Variants in CNTN2 observed in about 807,000 individuals in gnomAD.
CNTN2 encodes the protein contactin 2.
A neutral mutation model predicts 117.5 loss-of-function variants in CNTN2; 53 were observed. That is an observed-to-expected ratio of 0.45 (90% CI 0.36 to 0.57). The LOEUF (loss-of-function observed/expected upper bound fraction) is 0.57. Among genes scored for constraint, CNTN2 ranks in the 20% least tolerant of loss-of-function variants. The probability of loss-of-function intolerance (pLI) is 0.00; values close to 1 mark genes in which losing one functional copy is unlikely to be tolerated. For synonymous variants in CNTN2, 530 were observed against 561.7 expected, an observed-to-expected ratio of 0.94 and a Z score of 0.80; for missense variants, 1,106 against 1,404.3, an observed-to-expected ratio of 0.79 and a Z score of 3.39.
chr1:205,071,824 C>G, intron 19 of CNTN2, 123 bp from the exon 20 acceptor site: 1 of 893,616 alleles, frequency 1.1e-6, no homozygotes, highest in African/African-American at 1.7e-5. Flanking sequence ...TCTCCAGGTT[C>G]TGAGGCCTAA....
rs747193979 is a variant in CNTN2, at chr1:205,073,111, T to A, written c.2888T>A (p.Leu963His). ...NDLHLTPTLH[L>H]TGKNWIEIPV... ...TTACACCTGACTCCCACGCTCCACCTCACCGGCAAGAACTGGATAGAAATC... is the reference window on the plus strand; with the variant it reads ...TTACACCTGACTCCCACGCTCCACCACACCGGCAAGAACTGGATAGAAATC... Residue 963 changes from leucine to histidine, a missense_variant, in exon 22 of 23, where the codon CTC becomes CAC. Physicochemically the swap from Leu to His is moderately conservative, Grantham distance 99. Coordinates refer to ENST00000331830, the MANE Select transcript of CNTN2 (RefSeq NM_005076.5). This position sits in a 1 kb window ranked among gnomAD's most constrained non-coding sequence, Gnocchi z 6.3. The A allele has an allele frequency of 1.9e-6, 3 of 1,614,112 alleles. No homozygotes were observed. In the East Asian group the frequency reaches 6.7e-5, roughly 36 times the overall value.
At chr1:205,047,570 A>C (rs3753854) in intron 1 of CNTN2, among the ~76,000 whole-genome samples, 53,860 of 152,066 alleles carry the variant, frequency 0.35, 11,854 homozygotes, top group Non-Finnish European at 0.5. Flanking sequence ...TAACTCTGGC[A>C]TGGGGGCTGT....
intron 2 of CNTN2, among the ~76,000 whole-genome samples, chr1:205,056,562 C>T (rs1452526950): frequency 6.6e-6 from 1 of 152,192 alleles, no homozygotes; most frequent in Non-Finnish European, 1.5e-5. Context: ...ATGGGGCCAC[C>T]CCCTACCCCT....
At position 205,077,762 on chromosome 1, in the gene CNTN2, A is replaced by C. The variant is rs1221032327; in HGVS notation, c.*3997A>C. On this transcript the variant is annotated 3_prime_UTR_variant, in exon 23 of 23. Coordinates refer to ENST00000331830, the MANE Select transcript of CNTN2 (RefSeq NM_005076.5). ...CACTTAGTGCCCTTAGATGGGATAC[A>C]TCTTGCCTCGGCCCCAAGACTCCTC... 6.6e-6 allele frequency: 1 copy of C among 152,250 alleles called. No homozygotes were observed. The highest frequency in any genetic ancestry group is 1.5e-5 in the Non-Finnish European group (1 of 68,106). The allele number at this position is 152,250 out of a possible 1,614,324, so 9.4% of individuals were successfully genotyped here. A position where few individuals can be genotyped will look rare whatever the true frequency, so the allele number is the denominator to read the frequency against.
rs1654698469 is a variant in CNTN2 at position 205,073,424 on chromosome 1, A to G, written c.3013+188A>G. 2 of 796,400 alleles carry G rather than the reference A, an allele frequency of 2.5e-6. No homozygotes were observed. Among genetic ancestry groups the G allele is most frequent in the Non-Finnish European group, 2.0e-6 (1 of 512,628 alleles). 49.3% of individuals were successfully genotyped at this position (796,400 alleles called of 1,614,324 possible). On this transcript the variant is annotated intron_variant, in intron 22 of 22. Coordinates refer to ENST00000331830, the MANE Select transcript of CNTN2 (RefSeq NM_005076.5). The surrounding 1 kb of genome is among the most constrained non-coding windows in gnomAD (Gnocchi z 6.3). ...CACCTTTCTACCCAGCCCCCAGAAC[A>G]TCCCCGAGGGCCAGGGAAGGGCGCA...
At chr1:205,050,676 T>C (rs2151183958) in intron 1 of CNTN2, among the ~76,000 whole-genome samples, 1 of 152,300 alleles carries the variant, frequency 6.6e-6, no homozygotes, top group East Asian at 1.9e-4. Context: ...TGCAGTGCAA[T>C]GGCATGATGT....
chr1:205,070,514 G>C lies in CNTN2; in HGVS notation c.2520G>C (p.Met840Ile). 6.2e-7 allele frequency: 1 copy of C among 1,613,856 alleles called. No individual in the cohort carries two copies. Among genetic ancestry groups the C allele is most frequent in the Middle Eastern group, 1.7e-4 (1 of 6,060 alleles). Residue 840 changes from methionine (M) to isoleucine (I), a missense_variant, in exon 19 of 23, where the codon ATG becomes ATC. Coordinates refer to ENST00000331830, the MANE Select transcript of CNTN2 (RefSeq NM_005076.5). Reference sequence around the variant, plus strand: ...CCTGGGAACCCGTGCAGCAGGACATGAATGGTATCCTCCTGGGGTATGAGG... The same window carrying C: ...CCTGGGAACCCGTGCAGCAGGACATCAATGGTATCCTCCTGGGGTATGAGG... ...NVTWEPVQQD[M>I]NGILLGYEIR... is the part of the protein sequence containing the mutation.
chr1:205,065,709 G>T lies in CNTN2; in HGVS notation c.1696-80G>T. 5.6e-6 allele frequency: 9 copies of T among 1,606,712 alleles called. No homozygotes were observed. The highest frequency in any genetic ancestry group is 6.8e-6 in the Non-Finnish European group (8 of 1,177,244). On this transcript the variant is annotated intron_variant, in intron 13 of 22. Transcript: ENST00000331830. The surrounding 1 kb of genome is among the most constrained non-coding windows in gnomAD (Gnocchi z 4.1). ...GTCATGGAGTAGGGGACTCCCAAGC[G>T]CTGCCTCATGTCTCATGGCCTGCTG... is the stretch of plus-strand genomic sequence containing the variant.
rs1264504359 is a variant in CNTN2, at chr1:205,076,573, A to C, written c.*2808A>C. 6.6e-6 allele frequency: 1 copy of C among 152,252 alleles called. No individual in the cohort carries two copies. The highest frequency in any genetic ancestry group is 1.5e-5 in the Non-Finnish European group (1 of 68,080). The allele number at this position is 152,252 out of a possible 1,614,324, so 9.4% of individuals were successfully genotyped here. A position where few individuals can be genotyped will look rare whatever the true frequency, so the allele number is the denominator to read the frequency against. On this transcript the variant is annotated 3_prime_UTR_variant, in exon 23 of 23. Coordinates refer to ENST00000331830, the MANE Select transcript of CNTN2 (RefSeq NM_005076.5). ...GGAGGCGGCAAGAGGAACAGCCACA[A>C]ACAAGTACTTTACCCCACAGCTTAG...
Position 205,073,025 on chromosome 1 carries a change from C to T in CNTN2, c.2845-43C>T, listed in dbSNP as rs376445582. The T allele has an allele frequency of 6.2e-7, 1 of 1,606,766 alleles. No individual in the cohort carries two copies. Among genetic ancestry groups the T allele is most frequent in the African/African-American group, 1.3e-5 (1 of 74,784 alleles). ...AAGCTGGGGATGACTCAACGATCAG[C>T]CCTGGTGTCAGGAAACTCCACCTGG... On this transcript the variant is annotated intron_variant, in intron 21 of 22. Coordinates refer to ENST00000331830, the MANE Select transcript of CNTN2 (RefSeq NM_005076.5). The surrounding 1 kb of genome is among the most constrained non-coding windows in gnomAD (Gnocchi z 6.3).
In CNTN2 at chr1:205,053,157, C is replaced by T. The variant is rs758080462; in HGVS notation, c.-29C>T. 26 of 1,596,352 alleles carry T rather than the reference C, an allele frequency of 1.6e-5. No individual in the cohort carries two copies. The highest frequency in any genetic ancestry group is 4.1e-4 in the Middle Eastern group (2 of 4,938). ...AAGCTGAGCTGAGGCTCTTCTCCTC[C>T]GATCCCCACCTCTGCCCGGACATCC... is the stretch of plus-strand genomic sequence containing the variant. On this transcript the variant is annotated 5_prime_UTR_variant, in exon 2 of 23. Coordinates refer to ENST00000331830, the MANE Select transcript of CNTN2 (RefSeq NM_005076.5).
Position 205,069,909 on chromosome 1 carries a change from C to A in CNTN2, c.2279C>A (p.Thr760Asn). The part of the protein sequence containing the change: ...FRRQGSTHWQ[T>N]ARVPGADAQY... ...AGGCAGGGCAGCACTCACTGGCAGA[C>A]CGCCCGGGTGCCTGGCGCCGATGCC... The change falls in exon 18 of 23, where the codon ACC (threonine) becomes AAC (asparagine). Residue 760 changes from threonine to asparagine, a missense_variant. Transcript: ENST00000331830. The A allele has an allele frequency of 6.2e-7, 1 of 1,613,840 alleles. No homozygotes were observed. Among genetic ancestry groups the A allele is most frequent in the Non-Finnish European group, 8.5e-7 (1 of 1,180,006 alleles).
Position 205,058,061 on chromosome 1 carries a change from T to A in CNTN2, c.211T>A (p.Tyr71Asn). ...CRARASPPAT[Y>N]RWKMNGTEMK... Reference sequence around the variant, plus strand: ...CGCCCGGGCCAGCCCTCCAGCCACCTATCGGTAAGGCCTCTGCAGTGGGTG... The same window carrying A: ...CGCCCGGGCCAGCCCTCCAGCCACCAATCGGTAAGGCCTCTGCAGTGGGTG... The change falls in exon 3 of 23, where the codon TAT becomes AAT. Residue 71 changes from tyrosine (Y) to asparagine (N), a missense_variant. Coordinates refer to ENST00000331830, the MANE Select transcript of CNTN2 (RefSeq NM_005076.5). This position sits in a 1 kb window ranked among gnomAD's most constrained non-coding sequence, Gnocchi z 4.3. The A allele has an allele frequency of 6.2e-7, 1 of 1,613,448 alleles. No individual in the cohort carries two copies. The highest frequency in any genetic ancestry group is 8.5e-7 in the Non-Finnish European group (1 of 1,179,806).
At chr1:205,067,275 A>G (rs1558551124) in intron 16 of CNTN2, 25 bp downstream of exon 16, 1 of 1,601,918 alleles carries the variant, frequency 6.2e-7, no homozygotes, top group Admixed American at 1.7e-5. Flanking sequence ...TGTCCCAAAA[A>G]GCTATCATCA....
intron 2 of CNTN2, 67 bp from the exon 3 acceptor site, chr1:205,057,854 C>T: frequency 1.3e-6 from 2 of 1,564,520 alleles, no homozygotes; most frequent in East Asian, 2.3e-5. Context: ...CTGGACAGCA[C>T]AGCCCAAGAG....
Position 205,058,306 on chromosome 1 carries a change from C to T in CNTN2, c.341C>T (p.Ser114Phe). 1 of 1,529,022 alleles carries T rather than the reference C, an allele frequency of 6.5e-7. No individual in the cohort carries two copies. The highest frequency in any genetic ancestry group is 8.8e-7 in the Non-Finnish European group (1 of 1,136,926). 94.7% of individuals were successfully genotyped at this position (1,529,022 alleles called of 1,614,324 possible). Residue 114 changes from serine to phenylalanine, a missense_variant, in exon 4 of 23, where the codon TCC (serine) becomes TTC (phenylalanine). Ser to Phe is a radical substitution (Grantham distance 155). Coordinates refer to ENST00000331830, the MANE Select transcript of CNTN2 (RefSeq NM_005076.5). The surrounding 1 kb of genome is among the most constrained non-coding windows in gnomAD (Gnocchi z 4.3). ...QDAGVYQCLA[S>F]NPVGTVVSRE... ...GCCGGGGTCTACCAGTGCCTGGCCT[C>T]CAACCCAGTGGGCACCGTTGTCAGC...
chr1:205,053,175 G>A lies in CNTN2; in HGVS notation c.-11G>A, dbSNP rs745873437. On this transcript the variant is annotated 5_prime_UTR_variant, in exon 2 of 23. Transcript: ENST00000331830. ...TCTCCTCCGATCCCCACCTCTGCCC[G>A]GACATCCACCATGGGGACAGCCACC... 25 of 1,610,172 alleles carry A rather than the reference G, an allele frequency of 1.6e-5. No homozygotes were observed. The highest frequency in any genetic ancestry group is 3.6e-4 in the Middle Eastern group (2 of 5,522).
At chr1:205,056,607 G>T (rs1653637874) in intron 2 of CNTN2, among the ~76,000 whole-genome samples, 2 of 152,180 alleles carry the variant, frequency 1.3e-5, no homozygotes, top group Admixed American at 6.5e-5. Flanking sequence ...GCTGGGAAAG[G>T]AACTAATTAG....
intron 1 of CNTN2, among the ~76,000 whole-genome samples, chr1:205,051,969 G>A (rs2096453727): frequency 1.3e-5 from 2 of 152,186 alleles, no homozygotes; most frequent in Admixed American, 1.3e-4. Flanking sequence ...TGGCCACTCT[G>A]CATTCTGGGA....
Sources: allele counts gnomAD v4.1 joint callset (sites outside exome capture counted in the v4.1 genomes callset), GRCh38; gene constraint gnomAD v4.1.1; non-coding constraint Gnocchi (gnomAD v3.1); transcripts MANE v1.5; gene names NCBI Gene and HGNC (gene_info 2026-07-23, HGNC 2026-07-21).